MAST2: variants seen among roughly 807,000 people sequenced by gnomAD.
MAST2 encodes microtubule-associated serine/threonine-protein kinase 2.
A neutral mutation model predicts 147.4 loss-of-function variants in MAST2; 70 were observed. That is an observed-to-expected ratio of 0.47 (90% CI 0.39 to 0.58). The LOEUF is 0.58. Ranked by LOEUF, MAST2 falls within the 20% of genes least tolerant of loss-of-function variation. The probability of loss-of-function intolerance (pLI) is 0.00; values close to 1 mark genes in which losing one functional copy is unlikely to be tolerated. For synonymous variants in MAST2, 869 were observed against 896.8 expected, an observed-to-expected ratio of 0.97 and a Z score of 0.55; for missense variants, 2,080 against 2,302.3, an observed-to-expected ratio of 0.90 and a Z score of 1.98.
chr1:45,989,766 A>G (rs960279911), intron 5 of MAST2, among the ~76,000 whole-genome samples: 1 of 152,022 alleles, frequency 6.6e-6, no homozygotes, highest in Non-Finnish European at 1.5e-5. Context: ...CGCTGGCACC[A>G]TTGATTGTTT....
In MAST2 at chr1:45,822,169, A is replaced by G. The variant is rs191153385; in HGVS notation, c.178-2264A>G. ...CTCCCAAAGTTCTGGGATTACAGGC[A>G]TGAGCCACCGTGCCTGGCTATTTTC... is the stretch of plus-strand genomic sequence containing the variant. On this transcript the variant is annotated intron_variant, in intron 1 of 28. Coordinates refer to ENST00000361297, the MANE Select transcript of MAST2 (RefSeq NM_015112.3). Among the ~76,000 whole-genome samples, 84 of 152,156 alleles carry G rather than the reference A, an allele frequency of 5.5e-4. No homozygotes were observed. The East Asian group carries it at 0.013, about 24-fold the overall frequency.
chr1:45,818,597 G>A (rs1271328376), intron 1 of MAST2, among the ~76,000 whole-genome samples: 1 of 152,192 alleles, frequency 6.6e-6, no homozygotes, highest in Non-Finnish European at 1.5e-5. Context: ...TCGATGTTGA[G>A]TTCTTCGGCA....
chr1:45,841,196 C>A (rs1190820107), intron 3 of MAST2, among the ~76,000 whole-genome samples: 1 of 152,108 alleles, frequency 6.6e-6, no homozygotes, highest in Non-Finnish European at 1.5e-5. Flanking sequence ...TCAACCAATC[C>A]TCCAGTCTCC....
intron 3 of MAST2, among the ~76,000 whole-genome samples, chr1:45,830,087 C>A (rs1413466638): frequency 6.6e-6 from 1 of 151,490 alleles, no homozygotes; most frequent in Non-Finnish European, 1.5e-5. Flanking sequence ...GAACTCCTGA[C>A]CTCAGGTGAT....
chr1:46,016,837 A>G (rs1262298348), intron 10 of MAST2, among the ~76,000 whole-genome samples: 1 of 152,184 alleles, frequency 6.6e-6, no homozygotes. Context: ...TAAAGTTCAT[A>G]TGGAACCAAA....
chr1:45,970,667 CAAAA>C (rs754544108), intron 5 of MAST2, among the ~76,000 whole-genome samples: 131 of 72,398 alleles, frequency 1.8e-3, no homozygotes, highest in Middle Eastern at 7.6e-3. Context: ...GACTCTGTCT[CAAAA>C]AAAAAAAAAA....
intron 3 of MAST2, among the ~76,000 whole-genome samples, chr1:45,857,129 A>G (rs567561372): frequency 3.3e-5 from 5 of 152,294 alleles, no homozygotes; most frequent in Non-Finnish European, 5.9e-5. Context: ...ATGCCTGTCT[A>G]CATCCACTTG....
At chr1:45,970,076 A>C (rs1643857373) in intron 5 of MAST2, among the ~76,000 whole-genome samples, 1 of 152,208 alleles carries the variant, frequency 6.6e-6, no homozygotes, top group African/African-American at 2.4e-5. Flanking sequence ...AGATGCAAAC[A>C]AAATAGTTTC....
intron 3 of MAST2, among the ~76,000 whole-genome samples, chr1:45,857,262 C>T (rs1217805061): frequency 1.3e-5 from 2 of 152,088 alleles, no homozygotes; most frequent in African/African-American, 4.8e-5. Context: ...AGGAAGACTA[C>T]TTTGAAAAGA....
rs1243442362 is a variant in MAST2, at chr1:46,021,867, T to C, written c.1291-83T>C. The stretch of plus-strand genomic sequence containing the variant: ...ACAGAGAAAGTCTTGTTCATCTCAG[T>C]CTACTATATGCTGTAAAACCAAAGA... On this transcript the variant is annotated intron_variant, in intron 11 of 28. Transcript: ENST00000361297. The C allele has an allele frequency of 2.2e-6, 3 of 1,336,722 alleles. No individual in the cohort carries two copies. In the South Asian group the frequency reaches 4.0e-5, roughly 18 times the overall value. 82.8% of individuals were successfully genotyped at this position (1,336,722 alleles called of 1,614,324 possible). A position where few individuals can be genotyped will look rare whatever the true frequency, so the allele number is the denominator to read the frequency against.
In MAST2 at chr1:46,031,606, G is replaced by A. The variant is rs766178927; in HGVS notation, c.3187+21G>A. On this transcript the variant is annotated intron_variant, in intron 24 of 28. Transcript: ENST00000361297. This position sits in a 1 kb window ranked among gnomAD's most constrained non-coding sequence, Gnocchi z 4.1. Reference sequence around the variant, plus strand: ...TTCGGGTGAGGCCCCTGGGGAGCTGGGATAAAACTCACAGGAAGGGCCTTG... The same window carrying A: ...TTCGGGTGAGGCCCCTGGGGAGCTGAGATAAAACTCACAGGAAGGGCCTTG... 1.9e-6 allele frequency: 3 copies of A among 1,599,534 alleles called. No individual in the cohort carries two copies. The highest frequency in any genetic ancestry group is 2.6e-6 in the Non-Finnish European group (3 of 1,169,600).
At position 46,022,897 on chromosome 1, in the gene MAST2, T is replaced by C; in HGVS notation, c.1424-13T>C. 6.2e-7 allele frequency: 1 copy of C among 1,611,542 alleles called. No individual in the cohort carries two copies. Among genetic ancestry groups the C allele is most frequent in the Non-Finnish European group, 8.5e-7 (1 of 1,177,632 alleles). ...TTGCCACGCACATTCTTCTCTTGTA[T>C]CTTTGTTTCCAGAAATGGCCCAGTT... On this transcript the variant is annotated splice_polypyrimidine_tract_variant and intron_variant, in intron 12 of 28. Coordinates refer to ENST00000361297, the MANE Select transcript of MAST2 (RefSeq NM_015112.3).
chr1:45,830,849 C>A (rs1644933895), intron 3 of MAST2, among the ~76,000 whole-genome samples: 1 of 151,516 alleles, frequency 6.6e-6, no homozygotes, highest in Admixed American at 6.6e-5. Context: ...ATAGTTGAGA[C>A]CTTGTCTATA....
intron 4 of MAST2, among the ~76,000 whole-genome samples, chr1:45,900,253 T>A (rs941734179): frequency 5.6e-4 from 85 of 151,418 alleles, no homozygotes; most frequent in Middle Eastern, 6.8e-3. Context: ...GGTAGTTCTA[T>A]TTTTAGTTCT....
chr1:45,934,591 A>G (rs1655905385), intron 4 of MAST2, among the ~76,000 whole-genome samples: 1 of 152,124 alleles, frequency 6.6e-6, no homozygotes, highest in Non-Finnish European at 1.5e-5. Context: ...ACACCCGACT[A>G]CTTTTTGTAT....
intron 3 of MAST2, among the ~76,000 whole-genome samples, chr1:45,834,069 A>G (rs1645035924): frequency 6.6e-6 from 1 of 152,154 alleles, no homozygotes; most frequent in Non-Finnish European, 1.5e-5. Context: ...TGGCTGTGAC[A>G]TTTCTGAAAA....
rs372738717 is a variant in MAST2 at position 45,876,589 on chromosome 1, T to C, written c.469-5775T>C. Among the ~76,000 whole-genome samples, 4 of 152,356 alleles carry C rather than the reference T, an allele frequency of 2.6e-5. No homozygotes were observed. The East Asian group carries it at 7.7e-4, about 29-fold the overall frequency. Reference sequence around the variant, plus strand: ...TGGTTATCTGTCTAAATGGGAGTACTCTTGCCTCAGCCAAGTTTCCTGATT... The same window carrying C: ...TGGTTATCTGTCTAAATGGGAGTACCCTTGCCTCAGCCAAGTTTCCTGATT... On this transcript the variant is annotated intron_variant, in intron 3 of 28. Transcript: ENST00000361297.
intron 3 of MAST2, among the ~76,000 whole-genome samples, chr1:45,842,132 C>T (rs1237117803): frequency 1.3e-5 from 2 of 152,082 alleles, no homozygotes; most frequent in Non-Finnish European, 2.9e-5. Flanking sequence ...TCAAGTGATC[C>T]ACCCGCTTTG....
intron 10 of MAST2, among the ~76,000 whole-genome samples, chr1:46,018,194 A>G (rs995477520): frequency 2.6e-5 from 4 of 152,164 alleles, no homozygotes; most frequent in Admixed American, 1.3e-4. Context: ...GTCACAGGGC[A>G]CCATCCGGCA....
Sources: gnomAD v4.1 joint callset for allele counts (sites outside exome capture counted in the v4.1 genomes callset) on GRCh38, gnomAD v4.1.1 for gene constraint, Gnocchi (gnomAD v3.1) non-coding constraint, MANE v1.5 for transcripts, NCBI Gene and HGNC (gene_info 2026-07-23, HGNC 2026-07-21) for gene names.